Variants in RARB observed in about 807,000 individuals in gnomAD.
The protein encoded by RARB is retinoic acid receptor beta.
In RARB, 17 loss-of-function variants were observed where a neutral mutation model predicts 51.9. That is an observed-to-expected ratio of 0.33 (90% CI 0.22 to 0.49). RARB has a LOEUF of 0.49. Among genes scored for constraint, RARB ranks in the 20% least tolerant of loss-of-function variants. The pLI is 0.99. For synonymous variants in RARB, 215 were observed against 195.4 expected (o/e 1.10, Z -0.84); for missense variants, 369 against 550.8 (o/e 0.67, Z 3.30).
chr3:24,845,303 C>T (rs1358356986), intron 1 of RARB, among the ~76,000 whole-genome samples: 1 of 152,060 alleles, frequency 6.6e-6, no homozygotes, highest in Non-Finnish European at 1.5e-5. Flanking sequence ...TTAAATGTGA[C>T]GTGATATGTA....
intron 1 of RARB, chr3:25,441,520 T>A (rs1708683965): frequency 1.3e-5 from 2 of 159,974 alleles, no homozygotes; most frequent in African/African-American, 4.8e-5. Flanking sequence ...TCGAGTAGTG[T>A]GCTTTGTAGG....
chr3:25,266,142 A>G (rs1406694830), intron 5 of RARB, among the ~76,000 whole-genome samples: 1 of 152,198 alleles, frequency 6.6e-6, no homozygotes, highest in Non-Finnish European at 1.5e-5. Context: ...TATGTTAAAT[A>G]TCATATAACC....
intron 5 of RARB, among the ~76,000 whole-genome samples, chr3:25,262,269 C>G (rs1015128070): frequency 1.3e-5 from 2 of 152,184 alleles, no homozygotes; most frequent in African/African-American, 4.8e-5. Flanking sequence ...TATTCTCCCT[C>G]TAACGTTCAG....
At chr3:25,163,282 T>C (rs1405472054) in intron 4 of RARB, among the ~76,000 whole-genome samples, 2 of 152,092 alleles carry the variant, frequency 1.3e-5, no homozygotes, top group Admixed American at 1.3e-4. Context: ...GGTGAGCAGA[T>C]TGCTTGAGTC....
chr3:25,590,027 A>G (rs1701552865), intron 5 of RARB, among the ~76,000 whole-genome samples: 1 of 152,244 alleles, frequency 6.6e-6, no homozygotes, highest in African/African-American at 2.4e-5. Flanking sequence ...CATGGGGGCC[A>G]TCCTGTTTCA....
chr3:25,023,359 C>T (rs921228003), intron 2 of RARB, among the ~76,000 whole-genome samples: 10 of 152,100 alleles, frequency 6.6e-5, no homozygotes, highest in Non-Finnish European at 1.2e-4. Context: ...TTGATTAATG[C>T]GGTTAAAATG....
chr3:25,311,603 C>A (rs969970263), intron 5 of RARB, among the ~76,000 whole-genome samples: 1 of 152,174 alleles, frequency 6.6e-6, no homozygotes, highest in African/African-American at 2.4e-5. Flanking sequence ...GTATTCACAG[C>A]GGGGCAGCTG....
intron 2 of RARB, among the ~76,000 whole-genome samples, chr3:24,997,757 C>T (rs1459638759): frequency 6.6e-6 from 1 of 152,058 alleles, no homozygotes; most frequent in Non-Finnish European, 1.5e-5. Context: ...ACTTACTTTG[C>T]AGCCTATTCA....
chr3:25,427,703 A>T (rs1708034773), upstream of RARB, among the ~76,000 whole-genome samples: 1 of 152,226 alleles, frequency 6.6e-6, no homozygotes, highest in Non-Finnish European at 1.5e-5. Flanking sequence ...GAGAAAGAGA[A>T]AAAGACTGTG....
chr3:25,011,242 T>C (rs950945240), intron 2 of RARB, among the ~76,000 whole-genome samples: 1 of 152,040 alleles, frequency 6.6e-6, no homozygotes, highest in Non-Finnish European at 1.5e-5. Flanking sequence ...TAGTACCATA[T>C]GGGATAGGGC....
At chr3:25,533,874 C>T (rs1187289046) in intron 3 of RARB, among the ~76,000 whole-genome samples, 1 of 152,306 alleles carries the variant, frequency 6.6e-6, no homozygotes, top group East Asian at 1.9e-4. Context: ...CCTAACACTT[C>T]AATGCTTTGA....
At chr3:24,935,922 T>C (rs1695539229) in intron 2 of RARB, among the ~76,000 whole-genome samples, 1 of 152,142 alleles carries the variant, frequency 6.6e-6, no homozygotes. Context: ...TAACCACCAA[T>C]AAATTGGCAC....
At chr3:25,159,027 A>G (rs950993312) in intron 4 of RARB, among the ~76,000 whole-genome samples, 17 of 152,088 alleles carry the variant, frequency 1.1e-4, no homozygotes, top group African/African-American at 4.1e-4. Flanking sequence ...ATGCAGAAGA[A>G]GTTGGGAAAT....
intron 1 of RARB, among the ~76,000 whole-genome samples, chr3:25,434,461 C>G (rs901850207): frequency 4.6e-5 from 7 of 151,974 alleles, no homozygotes; most frequent in African/African-American, 7.3e-5. Flanking sequence ...ACTCACAAAC[C>G]TCGCCAACTC....
chr3:24,968,718 G>A (rs1374710759), intron 2 of RARB, among the ~76,000 whole-genome samples: 1 of 152,070 alleles, frequency 6.6e-6, no homozygotes, highest in Non-Finnish European at 1.5e-5. Flanking sequence ...GGAAGACAGG[G>A]CAAGTCCCAA....
intron 2 of RARB, among the ~76,000 whole-genome samples, chr3:24,889,073 G>C (rs1575055695): frequency 6.6e-6 from 1 of 152,180 alleles, no homozygotes; most frequent in Non-Finnish European, 1.5e-5. Flanking sequence ...GGCAGGAAGT[G>C]AGAGCAATGC....
chr3:25,428,552 AT>A lies in RARB; in HGVS notation c.-178del. 7.7e-7 allele frequency: 1 copy of A among 1,305,436 alleles called. No homozygotes were observed. The allele number at this position is 1,305,436 out of a possible 1,614,324, so 80.9% of individuals were successfully genotyped here. On this transcript the variant is annotated 5_prime_UTR_variant, in exon 1 of 8. The change abolishes the stop of an existing upstream ORF in the 5' untranslated region. Transcript: ENST00000330688. ...AAATGGTAAATGATCATTTGGATCA[AT>A]TACAGGCTTTTAGCTGGCTTGTCTG...
intron 5 of RARB, among the ~76,000 whole-genome samples, chr3:25,582,018 G>T (rs539190387): frequency 1.3e-5 from 2 of 152,070 alleles, no homozygotes; most frequent in African/African-American, 2.4e-5. Flanking sequence ...TGGGGTATAC[G>T]GCCAGAGTGG....
At chr3:25,508,644 C>T (rs901651187) in intron 3 of RARB, among the ~76,000 whole-genome samples, 17 of 152,084 alleles carry the variant, frequency 1.1e-4, no homozygotes, top group African/African-American at 3.6e-4. Flanking sequence ...TGTTAGATCC[C>T]AGCCTGTTAC....
Sources: gnomAD v4.1 joint callset for allele counts (sites outside exome capture counted in the v4.1 genomes callset) on GRCh38, gnomAD v4.1.1 for gene constraint, MANE v1.5 for transcripts, NCBI Gene and HGNC (gene_info 2026-07-23, HGNC 2026-07-21) for gene names.